Variants in NCOA3 observed in about 807,000 individuals in gnomAD.
NCOA3 encodes nuclear receptor coactivator 3.
NCOA3 carries 51 observed loss-of-function variants against 158.8 expected under a neutral mutation model. The ratio of observed to expected loss-of-function variants is 0.32; its 90% confidence interval spans 0.26 to 0.41. The LOEUF is 0.41. Among genes scored for constraint, NCOA3 ranks in the 10% least tolerant of loss-of-function variants. The pLI is 1.00. For synonymous variants in NCOA3, 537 were observed against 592.4 expected, an observed-to-expected ratio of 0.91 and a Z score of 1.36; for missense variants, 1,510 against 1,746.6, an observed-to-expected ratio of 0.86 and a Z score of 2.41.
At chr20:47,541,899 A>T (rs1479194944) in intron 1 of NCOA3, among the ~76,000 whole-genome samples, 1 of 151,866 alleles carries the variant, frequency 6.6e-6, no homozygotes, top group Non-Finnish European at 1.5e-5. Flanking sequence ...TTCAAACAAG[A>T]TGCAGACATT....
intron 1 of NCOA3, among the ~76,000 whole-genome samples, chr20:47,519,989 C>G (rs890999725): frequency 1.4e-5 from 2 of 148,078 alleles, no homozygotes; most frequent in African/African-American, 5.0e-5. Flanking sequence ...GTCTCGAACT[C>G]CTGACCTTGT....
intron 1 of NCOA3, among the ~76,000 whole-genome samples, chr20:47,556,296 G>A (rs1016162005): frequency 1.4e-4 from 21 of 152,318 alleles, no homozygotes; most frequent in Middle Eastern, 3.4e-3. Flanking sequence ...ACAAGAAGGG[G>A]AAGAGTTTTT....
intron 1 of NCOA3, among the ~76,000 whole-genome samples, chr20:47,527,338 A>C (rs773709272): frequency 6.6e-6 from 1 of 152,178 alleles, no homozygotes; most frequent in Non-Finnish European, 1.5e-5. Context: ...TATAAATCCC[A>C]TGTAATCATA....
chr20:47,558,021 C>T (rs1164041166), intron 1 of NCOA3, among the ~76,000 whole-genome samples: 1 of 151,336 alleles, frequency 6.6e-6, no homozygotes, highest in Non-Finnish European at 1.5e-5. Flanking sequence ...TGTGTCTTCA[C>T]ATGGTTTTCT....
In NCOA3 at chr20:47,622,328, A is replaced by G; in HGVS notation, c.81A>G (p.Gln27=). 1 of 1,587,276 alleles carries G rather than the reference A, an allele frequency of 6.3e-7. No homozygotes were observed. Among genetic ancestry groups the G allele is most frequent in the Non-Finnish European group, 8.6e-7 (1 of 1,166,240 alleles). The part of the protein sequence containing the change: ...KRKLPCDTPG[Q]GLTCSGEKRR... Reference sequence around the variant, plus strand: ...AATTGCCATGTGATACTCCAGGACAAGGGTAGGTGACTTATTTCCTGGTGC... The same window carrying G: ...AATTGCCATGTGATACTCCAGGACAGGGGTAGGTGACTTATTTCCTGGTGC... Residue 27 remains glutamine, a splice_region_variant and synonymous_variant, in exon 3 of 23, where the codon CAA becomes CAG. Transcript: ENST00000371998.
intron 1 of NCOA3, among the ~76,000 whole-genome samples, chr20:47,515,723 G>A (rs1378965214): frequency 1.3e-5 from 2 of 151,850 alleles, no homozygotes; most frequent in African/African-American, 2.4e-5. Flanking sequence ...CAAGTGGTCC[G>A]CCCACCTCAG....
rs757234339 is a variant in NCOA3, at chr20:47,627,668, A to T, written c.640A>T (p.Ser214Cys). The part of the protein sequence containing the change: ...PHDILEDINA[S>C]PEMRQRYETM... ...TGATATTCTGGAAGACATAAACGCC[A>T]GTCCTGAAATGCGCCAGAGATATGA... The change falls in exon 7 of 23, where the codon AGT (serine) becomes TGT (cysteine). Residue 214 changes from serine (S) to cysteine (C), a missense_variant. Ser to Cys is a moderately radical substitution (Grantham distance 112). Coordinates refer to ENST00000371998, the MANE Select transcript of NCOA3 (RefSeq NM_181659.3). 1.2e-6 allele frequency: 2 copies of T among 1,614,212 alleles called. No individual in the cohort carries two copies. The highest frequency in any genetic ancestry group is 4.5e-5 in the East Asian group (2 of 44,888).
intron 1 of NCOA3, among the ~76,000 whole-genome samples, chr20:47,523,180 C>T (rs932751444): frequency 2.4e-4 from 37 of 152,270 alleles, no homozygotes; most frequent in East Asian, 7.7e-4. Flanking sequence ...AGCGAGCCTC[C>T]GTCTCAAAAC....
chr20:47,514,793 T>G (rs1257790498), intron 1 of NCOA3, among the ~76,000 whole-genome samples: 1 of 143,456 alleles, frequency 7.0e-6, no homozygotes, highest in African/African-American at 2.6e-5. Flanking sequence ...CTCAGCTCAC[T>G]GCAACCTCCG....
chr20:47,621,265 A>T (rs1384015165), intron 2 of NCOA3, among the ~76,000 whole-genome samples: 2 of 147,862 alleles, frequency 1.4e-5, no homozygotes, highest in African/African-American at 5.0e-5. Flanking sequence ...TTTGCTTTTG[A>T]TTTTTTTTTT....
chr20:47,652,326 A>C (rs752484422), intron 20 of NCOA3, 80 bp from the exon 21 acceptor site: 69 of 1,374,668 alleles, frequency 5.0e-5, no homozygotes, highest in Non-Finnish European at 6.6e-5. Context: ...TTAAAAAAAA[A>C]ACAAAATTAC....
chr20:47,615,179 A>ATT (rs1392067265), intron 2 of NCOA3, among the ~76,000 whole-genome samples: 2 of 152,204 alleles, frequency 1.3e-5, no homozygotes, highest in Non-Finnish European at 2.9e-5. Flanking sequence ...GTCATGGTAA[A>ATT]TAAATTACAG....
At chr20:47,525,802 G>A (rs1473741621) in intron 1 of NCOA3, among the ~76,000 whole-genome samples, 5 of 119,282 alleles carry the variant, frequency 4.2e-5, no homozygotes, top group Admixed American at 1.5e-4. Flanking sequence ...GCGGCTGGCC[G>A]GGCAGAGGGG....
chr20:47,518,902 G>A (rs1353753832), intron 1 of NCOA3, among the ~76,000 whole-genome samples: 1 of 152,094 alleles, frequency 6.6e-6, no homozygotes, highest in Non-Finnish European at 1.5e-5. Flanking sequence ...TTGTGAGGCC[G>A]AGGTGGGTGG....
chr20:47,531,579 T>C (rs73123986), intron 1 of NCOA3, among the ~76,000 whole-genome samples: 4,152 of 152,314 alleles, frequency 0.027, 63 homozygotes, highest in Middle Eastern at 0.051. Context: ...GCAAGAATAA[T>C]GTTGTGACAT....
Position 47,580,480 on chromosome 20 carries a change from C to T in NCOA3, c.-98-2703C>T, listed in dbSNP as rs1231306344. On this transcript the variant is annotated intron_variant, in intron 1 of 22. Transcript: ENST00000371998. ...CTGAGGCAGGAGAATCGCTTTAACC[C>T]GGGAGGCAGAGGTTGCAATGAGCCG... 4.6e-5 allele frequency among the ~76,000 whole-genome samples: 7 copies of T among 151,928 alleles called. No homozygotes were observed. In the East Asian group the frequency reaches 9.7e-4, roughly 21 times the overall value.
chr20:47,585,120 C>A (rs947604011), intron 2 of NCOA3, among the ~76,000 whole-genome samples: 1 of 132,318 alleles, frequency 7.6e-6, no homozygotes, highest in Non-Finnish European at 1.5e-5. Flanking sequence ...GGTGTGATCT[C>A]GGCTTACTGC....
intron 2 of NCOA3, among the ~76,000 whole-genome samples, chr20:47,608,172 A>G (rs1480064668): frequency 2.6e-5 from 4 of 152,058 alleles, no homozygotes; most frequent in African/African-American, 9.7e-5. Context: ...TTAGCCGGGC[A>G]TGGTGGCGGG....
intron 2 of NCOA3, among the ~76,000 whole-genome samples, chr20:47,598,003 T>A (rs6018576): frequency 0.14 from 20,498 of 151,084 alleles, 2,001 homozygotes; most frequent in African/African-American, 0.26. Context: ...CCCAGCACTT[T>A]AGGAGGCCGA....
Sources: gnomAD v4.1 joint callset for allele counts (sites outside exome capture counted in the v4.1 genomes callset) on GRCh38, gnomAD v4.1.1 for gene constraint, MANE v1.5 for transcripts, NCBI Gene and HGNC (gene_info 2026-07-23, HGNC 2026-07-21) for gene names.